The following CMYA5 variants were observed in gnomAD, a reference collection of about 807,000 sequenced individuals.
CMYA5 encodes the protein cardiomyopathy associated 5.
A neutral mutation model predicts 318.9 loss-of-function variants in CMYA5; 246 were observed. The observed-to-expected ratio is 0.77, with a 90% CI of 0.70 to 0.86. CMYA5 has a LOEUF of 0.86. Among genes scored for constraint, CMYA5 ranks in the 40% least tolerant of loss-of-function variants. The pLI is 0.00. For synonymous variants in CMYA5, 1,641 were observed against 1,729.5 expected, an observed-to-expected ratio of 0.95 and a Z score of 1.27; for missense variants, 4,589 against 4,678.2, an observed-to-expected ratio of 0.98 and a Z score of 0.56.
In CMYA5 at chr5:79,738,265, G is replaced by A. The variant is rs1368355148; in HGVS notation, c.9500G>A (p.Arg3167Gln). 28 of 1,613,520 alleles carry A rather than the reference G, an allele frequency of 1.7e-5. No individual in the cohort carries two copies. In the Admixed American group the frequency reaches 3.3e-4, roughly 19 times the overall value. ...LFEAEEGVLS[R>Q]TQIFPTTIKV... ...GAAGCAGAGGAAGGAGTTCTATCAC[G>A]AACCCAGATATTTCCTACCACTATT... Residue 3167 changes from arginine to glutamine, a missense_variant, in exon 2 of 13, where the codon CGA (arginine) becomes CAA (glutamine). By Grantham distance (43) the Arg-to-Gln change is conservative. This residue lies in a region of CMYA5 where 2,431 missense variants were observed against 2,495.1 expected (regional missense o/e 0.97). Transcript: ENST00000446378.
chr5:79,774,756 T>A (rs1232389965), intron 9 of CMYA5, among the ~76,000 whole-genome samples: 1 of 152,168 alleles, frequency 6.6e-6, no homozygotes, highest in Non-Finnish European at 1.5e-5. Flanking sequence ...CCCCACCTGG[T>A]GGAGCAGGAA....
Position 79,738,759 on chromosome 5 carries a change from G to A in CMYA5, c.9994G>A (p.Ala3332Thr). 6.2e-7 allele frequency: 1 copy of A among 1,613,914 alleles called. No individual in the cohort carries two copies. The highest frequency in any genetic ancestry group is 8.5e-7 in the Non-Finnish European group (1 of 1,179,856). ...KAPITEDVRV[A>T]TQKISYAVPF... ...TCCCATCACAGAGGACGTCAGAGTG[G>A]CTACCCAGAAAATAAGTTATGCGGT... The change falls in exon 2 of 13, where the codon GCT (alanine) becomes ACT (threonine). Residue 3332 changes from alanine (A) to threonine (T), a missense_variant. By Grantham distance (58) the Ala-to-Thr change is moderately conservative (BLOSUM62 0). This residue lies in a region of CMYA5 where 2,431 missense variants were observed against 2,495.1 expected (regional missense o/e 0.97). Coordinates refer to ENST00000446378, the MANE Select transcript of CMYA5 (RefSeq NM_153610.5).
chr5:79,799,185 T>A (rs992521577), intron 12 of CMYA5, among the ~76,000 whole-genome samples, 185 bp from the exon 13 acceptor site: 10 of 152,138 alleles, frequency 6.6e-5, no homozygotes, highest in South Asian at 6.2e-4. Context: ...TGCTCATCTG[T>A]TGGGATAAGC....
chr5:79,729,724 A>T lies in CMYA5; in HGVS notation c.959A>T (p.His320Leu). 1.2e-6 allele frequency: 2 copies of T among 1,613,960 alleles called. No individual in the cohort carries two copies. Among genetic ancestry groups the T allele is most frequent in the Non-Finnish European group, 1.7e-6 (2 of 1,179,876 alleles). ...GAGTCCCTAACCTTAATGTTCAGTC[A>T]TGAAGATCAAAAGAAAATTTATGCT... is the stretch of plus-strand genomic sequence containing the variant. ...GSESLTLMFS[H>L]EDQKKIYADS... The change falls in exon 2 of 13, where the codon CAT becomes CTT. Residue 320 changes from histidine (H) to leucine (L), a missense_variant. By Grantham distance (99) the His-to-Leu change is moderately conservative. Around this residue, in one of 3 missense-constraint regions of CMYA5, gnomAD observed 2,132 missense variants for 2,131.3 expected, o/e 1.00. Transcript: ENST00000446378.
In CMYA5 at chr5:79,737,911, A is replaced by G; in HGVS notation, c.9146A>G (p.Glu3049Gly). Residue 3049 changes from glutamate (E) to glycine (G), a missense_variant, in exon 2 of 13, where the codon GAA becomes GGA. Transcript: ENST00000446378. ...LSFIQPTIPS[E>G]EDYFEKYTLI... is the part of the protein sequence containing the mutation. ...TTTATTCAGCCCACAATTCCCAGTG[A>G]AGAGGATTATTTTGAAAAATATACT... is the stretch of plus-strand genomic sequence containing the variant. 1 of 1,606,218 alleles carries G rather than the reference A, an allele frequency of 6.2e-7. No homozygotes were observed. The highest frequency in any genetic ancestry group is 1.3e-5 in the African/African-American group (1 of 74,326).
rs1347934219 is a variant in CMYA5, at chr5:79,730,709, A to C, written c.1944A>C (p.Thr648=). The C allele has an allele frequency of 3.4e-5, 55 of 1,613,804 alleles. No individual in the cohort carries two copies. The highest frequency in any genetic ancestry group is 4.6e-5 in the Non-Finnish European group (54 of 1,179,862). The change falls in exon 2 of 13, where the codon ACA becomes ACC. Residue 648 remains threonine (T), a synonymous_variant. Coordinates refer to ENST00000446378, the MANE Select transcript of CMYA5 (RefSeq NM_153610.5). ...FEAYSPAAAP[T]SESSLSPSTT... The stretch of plus-strand genomic sequence containing the variant: ...CTTATTCCCCAGCTGCAGCCCCTAC[A>C]TCTGAGAGCTCTCTCTCACCATCCA...
rs1429932926 is a variant in CMYA5, at chr5:79,737,530, C to G, written c.8765C>G (p.Ala2922Gly). The change falls in exon 2 of 13, where the codon GCA (alanine) becomes GGA (glycine). Residue 2922 changes from alanine to glycine, a missense_variant. Coordinates refer to ENST00000446378, the MANE Select transcript of CMYA5 (RefSeq NM_153610.5). ...CCCAAGGAACCTGAAGACACATATG[C>G]AAAAGGTGAAGACTTTACAGTGACT... Reference protein sequence around the residue: ...EMPKEPEDTYAKGEDFTVTSK... With the variant: ...EMPKEPEDTYGKGEDFTVTSK... 1.2e-6 allele frequency: 2 copies of G among 1,613,380 alleles called. No homozygotes were observed. The highest frequency in any genetic ancestry group is 1.1e-5 in the South Asian group (1 of 90,984).
Position 79,745,425 on chromosome 5 carries a change from A to G in CMYA5, c.10938A>G (p.Ala3646=). The G allele has an allele frequency of 3.7e-6, 6 of 1,613,998 alleles. No individual in the cohort carries two copies. The highest frequency in any genetic ancestry group is 5.1e-6 in the Non-Finnish European group (6 of 1,179,868). Residue 3646 remains alanine, a synonymous_variant, in exon 4 of 13, where the codon GCA becomes GCG. Coordinates refer to ENST00000446378, the MANE Select transcript of CMYA5 (RefSeq NM_153610.5). ...KDTLETIVRE[A]EELDEAVFLT... ...CCCTGGAGACCATCGTGAGAGAAGC[A>G]GAGGAGCTTGATGAGGCCGTCTTCC...
At chr5:79,713,485 T>C (rs1827445292) in intron 1 of CMYA5, among the ~76,000 whole-genome samples, 1 of 152,188 alleles carries the variant, frequency 6.6e-6, no homozygotes, top group Non-Finnish European at 1.5e-5. Flanking sequence ...TCTCTGGACC[T>C]GGCGTCTCTT....
chr5:79,730,579 A>G lies in CMYA5; in HGVS notation c.1814A>G (p.Asn605Ser). Residue 605 changes from asparagine (N) to serine (S), a missense_variant, in exon 2 of 13, where the codon AAC becomes AGC. Physicochemically the swap from Asn to Ser is conservative, Grantham distance 46 (BLOSUM62 1). This residue lies in a region of CMYA5 where 2,132 missense variants were observed against 2,131.3 expected (regional missense o/e 1.00). Transcript: ENST00000446378. ...GAGTATTCAGTACCACAGGATTTGA[A>G]CCATGAATTACAGGAGCAAGAAGGT... ...VSEYSVPQDL[N>S]HELQEQEGEP... The G allele has an allele frequency of 6.2e-7, 1 of 1,614,008 alleles. No homozygotes were observed. Among genetic ancestry groups the G allele is most frequent in the Non-Finnish European group, 8.5e-7 (1 of 1,179,892 alleles).
rs1170574955 is a variant in CMYA5, at chr5:79,736,427, G to T, written c.7662G>T (p.Gln2554His). The change falls in exon 2 of 13, where the codon CAG (glutamine) becomes CAT (histidine). Residue 2554 changes from glutamine to histidine, a missense_variant. By Grantham distance (24) the Gln-to-His change is conservative. Coordinates refer to ENST00000446378, the MANE Select transcript of CMYA5 (RefSeq NM_153610.5). ...ATGTGCTTTCAGAAGGAAAGAAGCAGCAGGAACATCAGCCTTATTCTGTGA... is the reference window on the plus strand; with the variant it reads ...ATGTGCTTTCAGAAGGAAAGAAGCATCAGGAACATCAGCCTTATTCTGTGA... Reference protein sequence around the residue: ...QVYVLSEGKKQQEHQPYSVNV... With the variant: ...QVYVLSEGKKHQEHQPYSVNV... The T allele has an allele frequency of 6.2e-7, 1 of 1,609,036 alleles. No homozygotes were observed.
intron 12 of CMYA5, among the ~76,000 whole-genome samples, chr5:79,795,731 C>T (rs761023008): frequency 2.6e-5 from 4 of 152,166 alleles, no homozygotes; most frequent in Non-Finnish European, 5.9e-5. Context: ...GCAAGGAGTC[C>T]TGAGGGGAGT....
chr5:79,794,965 C>T (rs982068924), intron 12 of CMYA5, among the ~76,000 whole-genome samples: 37 of 152,114 alleles, frequency 2.4e-4, no homozygotes, highest in African/African-American at 8.2e-4. Context: ...CACTCAAACT[C>T]AGTTTACAGT....
Position 79,739,327 on chromosome 5 carries a change from C to T in CMYA5, c.10562C>T (p.Ser3521Phe), listed in dbSNP as rs1407915961. 6.3e-7 allele frequency: 1 copy of T among 1,582,496 alleles called. No homozygotes were observed. Among genetic ancestry groups the T allele is most frequent in the Non-Finnish European group, 8.6e-7 (1 of 1,164,450 alleles). The change falls in exon 2 of 13, where the codon TCT becomes TTT. Residue 3521 changes from serine (S) to phenylalanine (F), a missense_variant. Physicochemically the swap from Ser to Phe is radical, Grantham distance 155. This residue lies in a region of CMYA5 where 2,431 missense variants were observed against 2,495.1 expected (regional missense o/e 0.97). Coordinates refer to ENST00000446378, the MANE Select transcript of CMYA5 (RefSeq NM_153610.5). ...TYCYTCKCPI[S>F]ATDKVFGTHK... ...TGTTACACCTGCAAATGTCCAATTTCTGCCACTGACAAGGTGTTTGGCACC... is the reference window on the plus strand; with the variant it reads ...TGTTACACCTGCAAATGTCCAATTTTTGCCACTGACAAGGTGTTTGGCACC...
chr5:79,741,726 T>A (rs920211989), intron 2 of CMYA5, among the ~76,000 whole-genome samples: 15 of 151,946 alleles, frequency 9.9e-5, no homozygotes, highest in African/African-American at 3.6e-4. Flanking sequence ...TGAATTTTTT[T>A]GGTCTTCTTA....
chr5:79,764,441 C>T (rs1352459200), intron 9 of CMYA5, among the ~76,000 whole-genome samples: 3 of 152,064 alleles, frequency 2.0e-5, no homozygotes, highest in African/African-American at 4.8e-5. Flanking sequence ...TGAATAGTGC[C>T]GCAATAAACA....
At chr5:79,798,855 G>A (rs1452262581) in intron 12 of CMYA5, among the ~76,000 whole-genome samples, 4 of 152,160 alleles carry the variant, frequency 2.6e-5, no homozygotes, top group Admixed American at 1.3e-4. Context: ...TTTGGGGAAG[G>A]GGGAGCAGAA....
chr5:79,710,311 A>G (rs1285375278), intron 1 of CMYA5, among the ~76,000 whole-genome samples: 1 of 152,152 alleles, frequency 6.6e-6, no homozygotes, highest in East Asian at 1.9e-4. Context: ...AATTAATAAA[A>G]ATTTTAAAAG....
At chr5:79,784,880 G>A (rs551244865) in intron 9 of CMYA5, among the ~76,000 whole-genome samples, 74 of 151,998 alleles carry the variant, frequency 4.9e-4, no homozygotes, top group African/African-American at 1.7e-3. Flanking sequence ...CCCGTCTTCT[G>A]CGTCGCTCAC....
Sources: gnomAD v4.1 joint callset for allele counts (sites outside exome capture counted in the v4.1 genomes callset) on GRCh38, gnomAD v4.1.1 for gene constraint, gnomAD v4.1.1 regional missense constraint, MANE v1.5 for transcripts, NCBI Gene and HGNC (gene_info 2026-07-23, HGNC 2026-07-21) for gene names.